Variants in DOCK2 observed in about 807,000 individuals in gnomAD.
DOCK2 encodes the protein dedicator of cytokinesis protein 2.
DOCK2 carries 87 observed loss-of-function variants against 248.9 expected under a neutral mutation model. The ratio of observed to expected loss-of-function variants is 0.35; its 90% CI spans 0.29 to 0.42. The LOEUF is 0.42. Ranked by LOEUF, DOCK2 falls within the 10% of genes least tolerant of loss-of-function variation. The pLI is 1.00. For missense variants in DOCK2, 1,747 were observed against 2,300.2 expected (o/e 0.76, Z 4.92); for synonymous variants, 805 against 821.6 (o/e 0.98, Z 0.35).
At position 170,057,654 on chromosome 5, in the gene DOCK2, G is replaced by A. The variant is rs140777013; in HGVS notation, c.4455G>A (p.Val1485=). ...GGATCCTGCGCTGGTTTGAGGTGGT[G>A]CACATGTCGCAGGTGAGTCTGGGAC... ...LPGILRWFEV[V]HMSQTTISPL... is the part of the protein sequence containing the mutation. The change falls in exon 44 of 52, where the codon GTG becomes GTA. Residue 1485 remains valine (V), a synonymous_variant. Coordinates refer to ENST00000520908, the MANE Select transcript of DOCK2 (RefSeq NM_004946.3). The A allele has an allele frequency of 2.2e-5, 36 of 1,611,384 alleles. No individual in the cohort carries two copies. The African/African-American group carries it at 2.3e-4, about 10-fold the overall frequency.
At chr5:169,979,655 A>T (rs956139898) in intron 27 of DOCK2, among the ~76,000 whole-genome samples, 4 of 152,212 alleles carry the variant, frequency 2.6e-5, no homozygotes, top group African/African-American at 9.7e-5. Flanking sequence ...CAGAAGTAAA[A>T]CACTGTCATT....
chr5:170,008,285 G>A (rs758417822), intron 30 of DOCK2, among the ~76,000 whole-genome samples: 26 of 151,796 alleles, frequency 1.7e-4, no homozygotes, highest in Non-Finnish European at 3.4e-4. Flanking sequence ...GAGAGTGGAC[G>A]TGGTAGCGCC....
chr5:169,767,555 G>T (rs1764861470), intron 25 of DOCK2, among the ~76,000 whole-genome samples: 1 of 152,168 alleles, frequency 6.6e-6, no homozygotes, highest in African/African-American at 2.4e-5. Context: ...ATCCTGGCTT[G>T]ATTGCATGCT....
intron 6 of DOCK2, among the ~76,000 whole-genome samples, chr5:169,675,311 C>T (rs1759270548): frequency 6.6e-6 from 1 of 152,148 alleles, no homozygotes; most frequent in African/African-American, 2.4e-5. Flanking sequence ...TAAGGACCTT[C>T]CCTCCCTCCT....
chr5:169,782,376 T>C (rs976615856), intron 25 of DOCK2, among the ~76,000 whole-genome samples: 3 of 152,116 alleles, frequency 2.0e-5, no homozygotes, highest in African/African-American at 7.2e-5. Flanking sequence ...ACTGTGGTTG[T>C]AGTCTCCTTA....
At chr5:169,702,568 T>G (rs1008683829) in intron 14 of DOCK2, 141 bp downstream of exon 14, 8 of 1,297,422 alleles carry the variant, frequency 6.2e-6, no homozygotes, top group Non-Finnish European at 8.4e-6. Flanking sequence ...GTTCAACACC[T>G]TTTGAGCTTG....
At chr5:169,960,343 A>G (rs981904058) in intron 27 of DOCK2, among the ~76,000 whole-genome samples, 2 of 152,296 alleles carry the variant, frequency 1.3e-5, no homozygotes, top group East Asian at 3.9e-4. Context: ...CTGCTCATTT[A>G]TGGTGCCTGA....
At chr5:170,005,523 G>C (rs2113806862) in intron 30 of DOCK2, among the ~76,000 whole-genome samples, 1 of 152,274 alleles carries the variant, frequency 6.6e-6, no homozygotes, top group South Asian at 2.1e-4. Context: ...CAAGCCTGTG[G>C]TGGATGCCTC....
intron 38 of DOCK2, 134 bp from the exon 39 acceptor site, chr5:170,045,681 TG>T: frequency 3.6e-6 from 3 of 822,100 alleles, no homozygotes; most frequent in Non-Finnish European, 6.1e-6. Context: ...CCCCTCTGTA[TG>T]GGGGTGGATC....
chr5:169,749,771 T>C (rs1763804231), intron 23 of DOCK2, among the ~76,000 whole-genome samples: 1 of 152,250 alleles, frequency 6.6e-6, no homozygotes. Context: ...GACTGCAGTC[T>C]TCTAGTTTTT....
At chr5:169,934,409 C>T (rs957183665) in intron 27 of DOCK2, among the ~76,000 whole-genome samples, 1 of 152,190 alleles carries the variant, frequency 6.6e-6, no homozygotes, top group African/African-American at 2.4e-5. Flanking sequence ...TCCGCATGCC[C>T]GTGAATCACA....
intron 32 of DOCK2, among the ~76,000 whole-genome samples, chr5:170,012,569 C>T (rs1248977147): frequency 6.6e-6 from 1 of 152,112 alleles, no homozygotes; most frequent in Non-Finnish European, 1.5e-5. Flanking sequence ...CAAATCTAGA[C>T]AAATTGTGTG....
At chr5:169,728,269 T>C (rs1007036915) in intron 22 of DOCK2, among the ~76,000 whole-genome samples, 2 of 152,030 alleles carry the variant, frequency 1.3e-5, no homozygotes, top group African/African-American at 4.8e-5. Flanking sequence ...CGGATGAAAA[T>C]GTATAGCAGG....
chr5:170,080,459 C>T, intron 50 of DOCK2, 176 bp downstream of exon 50: 1 of 952,668 alleles, frequency 1.0e-6, no homozygotes, highest in Non-Finnish European at 1.5e-6. Flanking sequence ...CCACCACTTC[C>T]TGGGGGTGAC....
intron 33 of DOCK2, among the ~76,000 whole-genome samples, chr5:170,020,087 C>T (rs539198605): frequency 2.0e-5 from 3 of 152,308 alleles, no homozygotes; most frequent in African/African-American, 7.2e-5. Context: ...AGCCCACACC[C>T]TCTAGCCAGC....
intron 25 of DOCK2, among the ~76,000 whole-genome samples, chr5:169,767,613 A>G (rs1764865016): frequency 6.6e-6 from 1 of 152,162 alleles, no homozygotes; most frequent in Admixed American, 6.5e-5. Flanking sequence ...TAGCTTCTTT[A>G]GCTACAGAAA....
At chr5:169,739,357 C>G (rs1481822777) in intron 22 of DOCK2, among the ~76,000 whole-genome samples, 1 of 152,146 alleles carries the variant, frequency 6.6e-6, no homozygotes, top group Admixed American at 6.5e-5. Flanking sequence ...GTTAGATTCT[C>G]CAGCCCCAGC....
At chr5:169,751,399 G>A (rs377291702) in intron 23 of DOCK2, among the ~76,000 whole-genome samples, 4 of 152,254 alleles carry the variant, frequency 2.6e-5, no homozygotes, top group East Asian at 1.9e-4. Flanking sequence ...CGAGGTGACC[G>A]GAGTCTTGAT....
chr5:170,073,286 TTTTCTATTCTGGAC>T (rs1757739218), intron 46 of DOCK2, among the ~76,000 whole-genome samples: 1 of 152,110 alleles, frequency 6.6e-6, no homozygotes. Context: ...ATATATGTGT[TTTTCTATTCTGGAC>T]TTTCTATTCT....
Sources: allele counts gnomAD v4.1 joint callset (sites outside exome capture counted in the v4.1 genomes callset), GRCh38; gene constraint gnomAD v4.1.1; transcripts MANE v1.5; gene names NCBI Gene and HGNC (gene_info 2026-07-23, HGNC 2026-07-21).